The following SDR16C5 variants were observed in gnomAD, a reference collection of about 807,000 sequenced individuals.
The protein encoded by SDR16C5 is short chain dehydrogenase/reductase family 16C member 5.
A neutral mutation model predicts 27.7 loss-of-function variants in SDR16C5; 20 were observed. That is an observed-to-expected ratio of 0.72 (90% CI 0.51 to 1.05). SDR16C5 has a LOEUF of 1.05. SDR16C5 is among the 50% of genes least tolerant of loss of function. The probability of loss-of-function intolerance (pLI) is 0.00; values close to 1 mark genes in which losing one functional copy is unlikely to be tolerated. For missense variants in SDR16C5, 374 were observed against 366.3 expected (o/e 1.02, Z -0.17); for synonymous variants, 139 against 132.3 (o/e 1.05, Z -0.35).
chr8:56,316,219 G>C lies in SDR16C5; in HGVS notation c.129C>G (p.Val43=), dbSNP rs1815193481. Residue 43 remains valine (V), a synonymous_variant, in exon 2 of 7, where the codon GTC becomes GTG. Transcript: ENST00000303749. ...KPRKNVAGEI[V]LITGAGSGLG... Reference sequence around the variant, plus strand: ...GTCCACTTCCAGCACCTGTGATGAGGACTATTTCACCAGCAACGTTCTTCC... The same window carrying C: ...GTCCACTTCCAGCACCTGTGATGAGCACTATTTCACCAGCAACGTTCTTCC... The C allele has an allele frequency of 2.5e-6, 4 of 1,614,002 alleles. No individual in the cohort carries two copies. The highest frequency in any genetic ancestry group is 3.4e-6 in the Non-Finnish European group (4 of 1,179,990).
At chr8:56,316,642 C>T (rs913678564) in intron 1 of SDR16C5, among the ~76,000 whole-genome samples, 1 of 152,162 alleles carries the variant, frequency 6.6e-6, no homozygotes, top group Admixed American at 6.6e-5. Flanking sequence ...ACTGTAACCA[C>T]CACACCCAAA....
At chr8:56,310,137 A>AGAAGAAGGAAGGAGGAGGAGGAG (rs1814992558) in intron 3 of SDR16C5, among the ~76,000 whole-genome samples, 1 of 40,152 alleles carries the variant, frequency 2.5e-5, no homozygotes, top group African/African-American at 1.4e-4. Flanking sequence ...AGGAGGAGGG[A>AGAAGAAGGAAGGAGGAGGAGGAG]GGAGGAGGAG....
At chr8:56,310,806 G>C (rs965587940) in intron 3 of SDR16C5, among the ~76,000 whole-genome samples, 1 of 151,952 alleles carries the variant, frequency 6.6e-6, no homozygotes, top group Non-Finnish European at 1.5e-5. Flanking sequence ...CTATATATGA[G>C]TATAAGCAAG....
intron 6 of SDR16C5, chr8:56,303,835 T>TA (rs1306850531): frequency 1.6e-6 from 1 of 621,830 alleles, no homozygotes; most frequent in African/African-American, 1.8e-5. Flanking sequence ...AAAAAGAACT[T>TA]AGTGTGTTGT....
At chr8:56,309,416 AT>A in intron 3 of SDR16C5, 6 of 985,336 alleles carry the variant, frequency 6.1e-6, no homozygotes, top group Non-Finnish European at 7.2e-6. Context: ...TGAGTTTCAA[AT>A]TTTCCCTGAA....
Position 56,320,140 on chromosome 8 carries a change from C to CA in SDR16C5, c.-97dup, listed in dbSNP as rs1815303454. 6.6e-6 allele frequency: 1 copy of CA among 152,434 alleles called. No homozygotes were observed. Among genetic ancestry groups the CA allele is most frequent in the South Asian group, 2.1e-4 (1 of 4,830 alleles). The allele number at this position is 152,434 out of a possible 1,614,324, so 9.4% of individuals were successfully genotyped here. On this transcript the variant is annotated 5_prime_UTR_variant, in exon 1 of 7. Coordinates refer to ENST00000303749, the MANE Select transcript of SDR16C5 (RefSeq NM_138969.4). ...CCGAGTCCCTGGCTCGGAGCTCAGT[C>CA]AGGTTCAGGTGTTTATCCAGGCGCC...
At chr8:56,308,853 C>T (rs997044623) in intron 4 of SDR16C5, 75 bp downstream of exon 4, 2 of 988,860 alleles carry the variant, frequency 2.0e-6, no homozygotes, top group Non-Finnish European at 3.1e-6. Flanking sequence ...CAAGTCAGTG[C>T]TAATTATTCA....
rs1320604107 is a variant in SDR16C5, at chr8:56,308,914, T to C, written c.565+14A>G. ...AGGGAATTTTGCAATTGTAAATTGC[T>C]ATGTTTTTCTTACCTGCCAGCCCAT... On this transcript the variant is annotated intron_variant, in intron 4 of 6. Coordinates refer to ENST00000303749, the MANE Select transcript of SDR16C5 (RefSeq NM_138969.4). 6.3e-7 allele frequency: 1 copy of C among 1,588,536 alleles called. No homozygotes were observed. Among genetic ancestry groups the C allele is most frequent in the African/African-American group, 1.3e-5 (1 of 74,102 alleles).
rs1006750092 is a variant in SDR16C5 at position 56,311,478 on chromosome 8, G to A, written c.465+679C>T. 2.0e-5 allele frequency among the ~76,000 whole-genome samples: 3 copies of A among 152,138 alleles called. 1 individual carries two copies. The South Asian group carries it at 6.2e-4, about 32-fold the overall frequency. On this transcript the variant is annotated intron_variant, in intron 3 of 6. Transcript: ENST00000303749. The stretch of plus-strand genomic sequence containing the variant: ...ACAACTTTTAATAAAAGCTGGGAGA[G>A]GCAGCAAGAGGGTGCATGCATAGTG...
chr8:56,303,980 T>C, intron 6 of SDR16C5: 2 of 702,972 alleles, frequency 2.8e-6, no homozygotes, highest in South Asian at 3.0e-5. Context: ...ACTTAGTGAA[T>C]AGTGGGATCG....
At chr8:56,319,212 G>C (rs1815272230) in intron 1 of SDR16C5, among the ~76,000 whole-genome samples, 2 of 151,376 alleles carry the variant, frequency 1.3e-5, no homozygotes, top group African/African-American at 4.9e-5. Context: ...GAGCTGTTTG[G>C]ATTTCAACAC....
In SDR16C5 at chr8:56,312,228, T is replaced by G. The variant is rs1563442437; in HGVS notation, c.394A>C (p.Lys132Gln). ...LINNAGIVTG[K>Q]KFLDCPDELM... ...TCATCTGGACAGTCAAGGAACTTTT[T>G]GCCTGTTACGATTCCGGCATTGTTG... The change falls in exon 3 of 7, where the codon AAA (lysine) becomes CAA (glutamine). Residue 132 changes from lysine to glutamine, a missense_variant. Coordinates refer to ENST00000303749, the MANE Select transcript of SDR16C5 (RefSeq NM_138969.4). 6.2e-7 allele frequency: 1 copy of G among 1,613,558 alleles called. No individual in the cohort carries two copies. The highest frequency in any genetic ancestry group is 2.2e-5 in the East Asian group (1 of 44,900).
intron 1 of SDR16C5, among the ~76,000 whole-genome samples, chr8:56,317,293 TAGGTCTGCTGAATGAATAAA>T (rs1359739376): frequency 6.6e-6 from 1 of 152,012 alleles, no homozygotes; most frequent in Non-Finnish European, 1.5e-5. Context: ...AGGCATCCAC[TAGGTCTGCTGAATGAATAAA>T]AGGCCTCCCC....
rs943358835 is a variant in SDR16C5, at chr8:56,300,141, T to G, written c.*1339A>C. On this transcript the variant is annotated 3_prime_UTR_variant, in exon 7 of 7. Transcript: ENST00000303749. ...ATTTGCTGCCGGGCACAGTAAATGT[T>G]AGTTATGATTGTTATAATATTATCA... The G allele has an allele frequency of 6.6e-6, 1 of 152,162 alleles. No individual in the cohort carries two copies. Among genetic ancestry groups the G allele is most frequent in the Non-Finnish European group, 1.5e-5 (1 of 68,030 alleles). The allele number at this position is 152,162 out of a possible 1,614,324, so 9.4% of individuals were successfully genotyped here. A position where few individuals can be genotyped will look rare whatever the true frequency, so the allele number is the denominator to read the frequency against.
chr8:56,313,563 T>C (rs1317687376), intron 2 of SDR16C5, among the ~76,000 whole-genome samples: 1 of 152,330 alleles, frequency 6.6e-6, no homozygotes, highest in Non-Finnish European at 1.5e-5. Flanking sequence ...ATTGGTTAAG[T>C]ATTTGTGTAT....
At chr8:56,302,203 G>A (rs373849456) in intron 6 of SDR16C5, among the ~76,000 whole-genome samples, 5 of 152,120 alleles carry the variant, frequency 3.3e-5, no homozygotes, top group Admixed American at 6.5e-5. Flanking sequence ...AAGCAGGCAC[G>A]GGAAACCTGA....
intron 2 of SDR16C5, among the ~76,000 whole-genome samples, chr8:56,315,655 T>G (rs1211300592): frequency 6.6e-6 from 1 of 152,072 alleles, no homozygotes; most frequent in Non-Finnish European, 1.5e-5. Context: ...GCCGGTATGG[T>G]CCGTGCAGTG....
chr8:56,319,748 A>G (rs1815286683), intron 1 of SDR16C5, among the ~76,000 whole-genome samples: 1 of 152,190 alleles, frequency 6.6e-6, no homozygotes, highest in Non-Finnish European at 1.5e-5. Context: ...GGACCGAAGA[A>G]GAGGGTCCGG....
chr8:56,302,171 A>G (rs1161562316), intron 6 of SDR16C5, among the ~76,000 whole-genome samples: 2 of 152,158 alleles, frequency 1.3e-5, no homozygotes, highest in African/African-American at 4.8e-5. Context: ...CTTTGCATTC[A>G]ATACTGCAGA....
Sources: allele counts gnomAD v4.1 joint callset (sites outside exome capture counted in the v4.1 genomes callset), GRCh38; gene constraint gnomAD v4.1.1; transcripts MANE v1.5; gene names NCBI Gene and HGNC (gene_info 2026-07-23, HGNC 2026-07-21).